Variants in DNAH11 observed in about 807,000 individuals in gnomAD.
DNAH11 encodes the protein axonemal beta dynein heavy chain 11.
DNAH11 carries 442 observed loss-of-function variants against 526.0 expected under a neutral mutation model. The observed-to-expected ratio is 0.84, with a 90% CI of 0.78 to 0.91. DNAH11 has a LOEUF of 0.91. Ranked by LOEUF, DNAH11 falls within the 40% of genes least tolerant of loss-of-function variation. The pLI is 0.00. For synonymous variants in DNAH11, 2,461 were observed against 1,935.9 expected (o/e 1.27, Z -7.12); for missense variants, 6,989 against 5,448.7 (o/e 1.28, Z -8.90).
At chr7:21,760,645 A>G (rs1786858732) in intron 54 of DNAH11, among the ~76,000 whole-genome samples, 2 of 152,236 alleles carry the variant, frequency 1.3e-5, no homozygotes, top group Admixed American at 6.5e-5. Flanking sequence ...TATCTTGAGC[A>G]CTACTTATTT....
intron 14 of DNAH11, among the ~76,000 whole-genome samples, chr7:21,598,153 C>G (rs925838286): frequency 6.6e-6 from 1 of 152,178 alleles, no homozygotes; most frequent in African/African-American, 2.4e-5. Context: ...TCAAAGAAAA[C>G]AGAGAGTATA....
chr7:21,848,435 A>C (rs910794645), intron 66 of DNAH11, among the ~76,000 whole-genome samples: 1 of 151,814 alleles, frequency 6.6e-6, no homozygotes, highest in African/African-American at 2.4e-5. Flanking sequence ...TATAATTCAC[A>C]TTTAAAGAGA....
intron 30 of DNAH11, among the ~76,000 whole-genome samples, chr7:21,678,631 T>C (rs1239701368): frequency 6.6e-6 from 1 of 152,168 alleles, no homozygotes; most frequent in African/African-American, 2.4e-5. Context: ...GAATTAAGTC[T>C]ACAGAGAACT....
intron 30 of DNAH11, among the ~76,000 whole-genome samples, chr7:21,674,037 TGTG>T (rs2128470112): frequency 6.6e-6 from 1 of 150,916 alleles, no homozygotes; most frequent in Admixed American, 6.6e-5. Flanking sequence ...TTTGTGTGTG[TGTG>T]TGTGTGTGTG....
chr7:21,549,225 G>A (rs1285517532), intron 2 of DNAH11, among the ~76,000 whole-genome samples: 11 of 152,044 alleles, frequency 7.2e-5, no homozygotes, highest in Admixed American at 3.3e-4. Flanking sequence ...TCCTTGTCCC[G>A]GTATAGAGCC....
At chr7:21,852,714 GT>G (rs1327857607) in intron 67 of DNAH11, 83 bp downstream of exon 67, 2 of 1,420,864 alleles carry the variant, frequency 1.4e-6, no homozygotes, top group Non-Finnish European at 1.9e-6. Context: ...ATCAGACTTG[GT>G]AATTCCTCTA....
At chr7:21,572,287 T>C (rs1783923558) in intron 8 of DNAH11, among the ~76,000 whole-genome samples, 2 of 152,232 alleles carry the variant, frequency 1.3e-5, no homozygotes, top group South Asian at 4.1e-4. Flanking sequence ...ATGTAACTCG[T>C]GCTTTATTTT....
At chr7:21,737,840 G>C (rs1785683654) in intron 46 of DNAH11, among the ~76,000 whole-genome samples, 1 of 152,156 alleles carries the variant, frequency 6.6e-6, no homozygotes. Flanking sequence ...GGCAGATTTA[G>C]TGTTGGCTGA....
chr7:21,693,445 T>A (rs891305205), intron 35 of DNAH11, among the ~76,000 whole-genome samples: 1 of 152,198 alleles, frequency 6.6e-6, no homozygotes, highest in South Asian at 2.1e-4. Flanking sequence ...TTGTAAAATT[T>A]TTGTCTGGCT....
At chr7:21,769,094 C>A (rs1398153966) in intron 55 of DNAH11, among the ~76,000 whole-genome samples, 2 of 152,074 alleles carry the variant, frequency 1.3e-5, no homozygotes, top group Non-Finnish European at 2.9e-5. Context: ...GGAAAATAAT[C>A]CTCTTTCTAA....
chr7:21,851,319 T>C (rs1023739598), intron 66 of DNAH11: 1 of 266,612 alleles, frequency 3.8e-6, no homozygotes, highest in South Asian at 4.4e-5. Flanking sequence ...TCCACCATGA[T>C]TGTAAGTTTC....
intron 65 of DNAH11, among the ~76,000 whole-genome samples, chr7:21,824,876 A>G (rs1034247349): frequency 1.4e-4 from 21 of 151,988 alleles, no homozygotes; most frequent in Non-Finnish European, 1.2e-4. Context: ...ATTCGTTACT[A>G]TAATATTGTT....
chr7:21,815,911 A>T (rs1396459665), intron 63 of DNAH11, among the ~76,000 whole-genome samples: 1 of 152,028 alleles, frequency 6.6e-6, no homozygotes, highest in African/African-American at 2.4e-5. Flanking sequence ...ATCAAGGCAT[A>T]GATAATTTCC....
At chr7:21,718,931 C>T (rs6461596) in intron 43 of DNAH11, among the ~76,000 whole-genome samples, 84,231 of 151,966 alleles carry the variant, frequency 0.55, 23,580 homozygotes, top group African/African-American at 0.64. Flanking sequence ...TAATTTATTT[C>T]CGAAAGCAGG....
chr7:21,869,466 G>GT (rs906124572), intron 73 of DNAH11, among the ~76,000 whole-genome samples: 4 of 150,216 alleles, frequency 2.7e-5, no homozygotes, highest in African/African-American at 7.5e-5. Flanking sequence ...ACATTGAAGG[G>GT]TGGGGGGAAT....
Position 21,690,892 on chromosome 7 carries a change from T to A in DNAH11, c.6041+11T>A, listed in dbSNP as rs372096044. 5 of 1,599,112 alleles carry A rather than the reference T, an allele frequency of 3.1e-6. No individual in the cohort carries two copies. The highest frequency in any genetic ancestry group is 1.3e-5 in the African/African-American group (1 of 74,712). Reference sequence around the variant, plus strand: ...CAAAGCTCTTTTCAGGCAAGTGTTATGCTTTGTGGCTTAGCATCTGGTGCA... The same window carrying A: ...CAAAGCTCTTTTCAGGCAAGTGTTAAGCTTTGTGGCTTAGCATCTGGTGCA... On this transcript the variant is annotated intron_variant, in intron 35 of 81. Coordinates refer to ENST00000409508, the MANE Select transcript of DNAH11 (RefSeq NM_001277115.2).
At position 21,768,455 on chromosome 7, in the gene DNAH11, C is replaced by A. The variant is rs545118958; in HGVS notation, c.9102+2866C>A. ...GAGAAGTTACTGAATGGAAATGAAACAGTGAGCTGTCTGGTGAAGGAGTGA... is the reference window on the plus strand; with the variant it reads ...GAGAAGTTACTGAATGGAAATGAAAAAGTGAGCTGTCTGGTGAAGGAGTGA... On this transcript the variant is annotated intron_variant, in intron 55 of 81. Transcript: ENST00000409508. Among the ~76,000 whole-genome samples, 8 of 152,312 alleles carry A rather than the reference C, an allele frequency of 5.3e-5. No homozygotes were observed. The South Asian group carries it at 1.7e-3, about 32-fold the overall frequency.
At chr7:21,791,459 A>G (rs1419027922) in intron 61 of DNAH11, among the ~76,000 whole-genome samples, 2 of 152,178 alleles carry the variant, frequency 1.3e-5, no homozygotes, top group South Asian at 4.1e-4. Flanking sequence ...TCATGAGCAA[A>G]AGGAATAAAA....
intron 44 of DNAH11, among the ~76,000 whole-genome samples, chr7:21,723,376 C>A (rs115422365): frequency 8.9e-4 from 136 of 152,316 alleles, no homozygotes; most frequent in African/African-American, 2.9e-3. Flanking sequence ...CAAACAGCAG[C>A]GGACTGACTC....
Sources: gnomAD v4.1 joint callset for allele counts (sites outside exome capture counted in the v4.1 genomes callset) on GRCh38, gnomAD v4.1.1 for gene constraint, MANE v1.5 for transcripts, NCBI Gene and HGNC (gene_info 2026-07-23, HGNC 2026-07-21) for gene names.